Variants in CDH6 observed in about 807,000 individuals in gnomAD.
CDH6 encodes the protein cadherin-6.
Under a neutral mutation model 78.0 loss-of-function variants are expected in CDH6, and 31 were observed. The ratio of observed to expected loss-of-function variants is 0.40; its 90% CI spans 0.30 to 0.54. CDH6 has a LOEUF of 0.54. Ranked by LOEUF, CDH6 falls within the 20% of genes least tolerant of loss-of-function variation. CDH6 has a pLI of 0.56. For missense variants in CDH6, 724 were observed against 975.9 expected, an observed-to-expected ratio of 0.74 and a Z score of 3.44; for synonymous variants, 376 against 368.8, an observed-to-expected ratio of 1.02 and a Z score of -0.23.
chr5:31,257,323 C>T (rs1049196286), intron 1 of CDH6, among the ~76,000 whole-genome samples: 8 of 152,092 alleles, frequency 5.3e-5, no homozygotes, highest in Admixed American at 1.3e-4. Flanking sequence ...CCACCACGCT[C>T]GGCTAATTTT....
intron 2 of CDH6, among the ~76,000 whole-genome samples, chr5:31,269,288 G>GT (rs1006404657): frequency 2.0e-5 from 3 of 147,464 alleles, no homozygotes; most frequent in South Asian, 2.1e-4. Context: ...AAAAGCGGGG[G>GT]GGGCAGGTTA....
chr5:31,202,697 A>T (rs773661639), intron 1 of CDH6, among the ~76,000 whole-genome samples: 1 of 151,498 alleles, frequency 6.6e-6, no homozygotes, highest in Non-Finnish European at 1.5e-5. Context: ...ATATATACAC[A>T]TATATACATA....
At chr5:31,263,713 C>CCA (rs890122898) in intron 1 of CDH6, among the ~76,000 whole-genome samples, 22 of 152,156 alleles carry the variant, frequency 1.4e-4, no homozygotes, top group African/African-American at 4.8e-4. Flanking sequence ...TTTAAAATCC[C>CCA]CACCTCTTAA....
intron 1 of CDH6, among the ~76,000 whole-genome samples, chr5:31,260,807 C>T (rs1206413708): frequency 6.6e-6 from 1 of 152,198 alleles, no homozygotes; most frequent in South Asian, 2.1e-4. Flanking sequence ...TCATTACACA[C>T]ACGAAACGGA....
rs372275646 is a variant in CDH6, at chr5:31,294,601, G to C, written c.523+345G>C. 5.9e-5 allele frequency among the ~76,000 whole-genome samples: 9 copies of C among 152,232 alleles called. No individual in the cohort carries two copies. The East Asian group carries it at 9.7e-4, about 16-fold the overall frequency. The stretch of plus-strand genomic sequence containing the variant: ...CTTCTCTTAGCCTATGTGGGTGTTA[G>C]GGTCCAAGTAACAATCTCCCAAATA... On this transcript the variant is annotated intron_variant, in intron 3 of 11. Transcript: ENST00000265071. The surrounding 1 kb of genome is among the most constrained non-coding windows in gnomAD (Gnocchi z 4.1).
intron 1 of CDH6, among the ~76,000 whole-genome samples, chr5:31,246,981 C>T (rs1261020282): frequency 2.6e-5 from 4 of 152,296 alleles, no homozygotes; most frequent in Non-Finnish European, 5.9e-5. Flanking sequence ...GAACTCCTGA[C>T]CTCAGGTGAT....
intron 3 of CDH6, among the ~76,000 whole-genome samples, chr5:31,296,158 C>G (rs1444899060): frequency 6.6e-6 from 1 of 152,162 alleles, no homozygotes; most frequent in Non-Finnish European, 1.5e-5. Context: ...TCCTAATATT[C>G]CCTGGATGTA....
rs1445235514 is a variant in CDH6, at chr5:31,316,081, G to T, written c.1391-127G>T. 1.3e-5 allele frequency: 13 copies of T among 963,274 alleles called. No homozygotes were observed. The African/African-American group carries it at 1.8e-4, about 14-fold the overall frequency. The allele number at this position is 963,274 out of a possible 1,614,324, so 59.7% of individuals were successfully genotyped here. ...TTTTGTGACCACACTGGTACTTAAT[G>T]CCCAGTAGTACAGCAGCTTGGGGAA... is the stretch of plus-strand genomic sequence containing the variant. On this transcript the variant is annotated intron_variant, in intron 8 of 11. Coordinates refer to ENST00000265071, the MANE Select transcript of CDH6 (RefSeq NM_004932.4).
chr5:31,196,606 CTAAGA>C (rs773114901), intron 1 of CDH6, among the ~76,000 whole-genome samples: 6 of 152,118 alleles, frequency 3.9e-5, no homozygotes, highest in Non-Finnish European at 5.9e-5. Context: ...ATTTTGTTAC[CTAAGA>C]TAAGAGTATA....
At chr5:31,275,569 G>T (rs1434211774) in intron 2 of CDH6, among the ~76,000 whole-genome samples, 1 of 152,152 alleles carries the variant, frequency 6.6e-6, no homozygotes, top group Non-Finnish European at 1.5e-5. Context: ...ATTCCATGGT[G>T]TATACAGACC....
chr5:31,276,953 AGT>A (rs1226776427), intron 2 of CDH6, among the ~76,000 whole-genome samples: 2 of 152,324 alleles, frequency 1.3e-5, no homozygotes, highest in East Asian at 3.9e-4. Context: ...CCTGCTGTGA[AGT>A]GTGCCTTCAA....
At chr5:31,302,066 T>C (rs1182046326) in intron 5 of CDH6, 45 bp from the exon 6 acceptor site, 1 of 1,312,476 alleles carries the variant, frequency 7.6e-7, no homozygotes, top group Non-Finnish European at 1.1e-6. Flanking sequence ...ATGATAAGAG[T>C]GTGGTTAGTC....
At chr5:31,218,170 A>G (rs1561027993) in intron 1 of CDH6, among the ~76,000 whole-genome samples, 1 of 152,200 alleles carries the variant, frequency 6.6e-6, no homozygotes, top group South Asian at 2.1e-4. Context: ...TCTTGCAACC[A>G]TTACTATTTT....
chr5:31,207,725 C>T (rs1740570640), intron 1 of CDH6, among the ~76,000 whole-genome samples: 1 of 152,180 alleles, frequency 6.6e-6, no homozygotes, highest in African/African-American at 2.4e-5. Flanking sequence ...CTCTGGACAA[C>T]ATTTATATAC....
At chr5:31,206,878 C>G (rs922987590) in intron 1 of CDH6, among the ~76,000 whole-genome samples, 1 of 151,912 alleles carries the variant, frequency 6.6e-6, no homozygotes, top group Admixed American at 6.6e-5. Context: ...GAAAGAAGCA[C>G]CATACCTCCC....
intron 2 of CDH6, among the ~76,000 whole-genome samples, chr5:31,292,880 T>C (rs926701285): frequency 3.6e-5 from 5 of 140,604 alleles, no homozygotes; most frequent in African/African-American, 1.3e-4. Flanking sequence ...TATATGTATG[T>C]GTTTGTGTAT....
At chr5:31,285,342 C>A (rs187889191) in intron 2 of CDH6, among the ~76,000 whole-genome samples, 68 of 152,322 alleles carry the variant, frequency 4.5e-4, no homozygotes, top group African/African-American at 1.6e-3. Context: ...TCCAAGAAGT[C>A]TTCCTAAACC....
At chr5:31,291,378 T>G (rs1743158961) in intron 2 of CDH6, among the ~76,000 whole-genome samples, 1 of 152,232 alleles carries the variant, frequency 6.6e-6, no homozygotes, top group Non-Finnish European at 1.5e-5. Context: ...GGAGGCACTT[T>G]GTAATCTATA....
chr5:31,262,711 T>C (rs1469132057), intron 1 of CDH6, among the ~76,000 whole-genome samples: 1 of 152,180 alleles, frequency 6.6e-6, no homozygotes, highest in Non-Finnish European at 1.5e-5. Flanking sequence ...AGGTATTTTG[T>C]GATTGAATAA....
Sources: gnomAD v4.1 joint callset for allele counts (sites outside exome capture counted in the v4.1 genomes callset) on GRCh38, gnomAD v4.1.1 for gene constraint, Gnocchi (gnomAD v3.1) non-coding constraint, MANE v1.5 for transcripts, NCBI Gene and HGNC (gene_info 2026-07-23, HGNC 2026-07-21) for gene names.